NUCKS1: variants seen among roughly 807,000 people sequenced by gnomAD.
NUCKS1 encodes nuclear ubiquitous casein and cyclin-dependent kinase substrate 1.
NUCKS1 carries 2 observed loss-of-function variants against 33.0 expected under a neutral mutation model. The ratio of observed to expected loss-of-function variants is 0.06; its 90% CI spans 0.02 to 0.19. The LOEUF is 0.19. Among genes scored for constraint, NUCKS1 ranks in the 10% least tolerant of loss-of-function variants. The probability of loss-of-function intolerance (pLI) is 1.00; values close to 1 mark genes in which losing one functional copy is unlikely to be tolerated. For missense variants in NUCKS1, 201 were observed against 293.6 expected (o/e 0.68, Z 2.31); for synonymous variants, 106 against 102.8 (o/e 1.03, Z -0.19).
intron 6 of NUCKS1, among the ~76,000 whole-genome samples, chr1:205,719,168 A>C (rs546496165): frequency 6.6e-6 from 1 of 152,216 alleles, no homozygotes; most frequent in Non-Finnish European, 1.5e-5. Context: ...GCATTTTCAC[A>C]ATTAAGTCTT....
intron 1 of NUCKS1, among the ~76,000 whole-genome samples, chr1:205,749,236 C>G (rs1654410958): frequency 6.6e-6 from 1 of 152,202 alleles, no homozygotes; most frequent in East Asian, 1.9e-4. Flanking sequence ...AGAGAAAGAG[C>G]GAACTTTGGG....
Position 205,737,134 on chromosome 1 carries a change from C to T in NUCKS1, c.18-7513G>A, listed in dbSNP as rs568379480. On this transcript the variant is annotated intron_variant, in intron 1 of 6. Coordinates refer to ENST00000367142, the MANE Select transcript of NUCKS1 (RefSeq NM_022731.5). The stretch of plus-strand genomic sequence containing the variant: ...TACTAAAGCAGCACCCAGGATGAAA[C>T]ATAATATGATTATAAAAAGATGGGG... 8.5e-5 allele frequency among the ~76,000 whole-genome samples: 13 copies of T among 152,214 alleles called. No individual in the cohort carries two copies. In the South Asian group the frequency reaches 2.5e-3, roughly 29 times the overall value.
intron 1 of NUCKS1, among the ~76,000 whole-genome samples, chr1:205,732,587 C>T (rs1416713686): frequency 6.6e-6 from 1 of 151,960 alleles, no homozygotes; most frequent in African/African-American, 2.4e-5. Context: ...TCGAGACCAT[C>T]CTGGCCAACA....
At chr1:205,745,268 ATTTT>A (rs1425690950) in intron 1 of NUCKS1, among the ~76,000 whole-genome samples, 2 of 152,156 alleles carry the variant, frequency 1.3e-5, no homozygotes, top group Non-Finnish European at 1.5e-5. Flanking sequence ...TTTCTAGCTT[ATTTT>A]TTTAATTTAG....
intron 1 of NUCKS1, among the ~76,000 whole-genome samples, chr1:205,741,163 G>C (rs1571586636): frequency 6.7e-6 from 1 of 148,938 alleles, no homozygotes; most frequent in East Asian, 1.9e-4. Context: ...AGCCGGGCGT[G>C]GTGGCGGGCG....
intron 3 of NUCKS1, among the ~76,000 whole-genome samples, chr1:205,726,253 A>T (rs1411734524): frequency 6.6e-6 from 1 of 152,190 alleles, no homozygotes; most frequent in African/African-American, 2.4e-5. Context: ...ATGGTGGCTC[A>T]CACTGTAATC....
chr1:205,719,107 G>C (rs917815028), intron 6 of NUCKS1, among the ~76,000 whole-genome samples: 49 of 152,352 alleles, frequency 3.2e-4, no homozygotes, highest in African/African-American at 1.2e-3. Context: ...TAGCACAGAG[G>C]ATGGGGTAGA....
chr1:205,729,355 A>G (rs923965400), intron 2 of NUCKS1, among the ~76,000 whole-genome samples: 5 of 152,362 alleles, frequency 3.3e-5, no homozygotes, highest in Non-Finnish European at 7.3e-5. Flanking sequence ...GTAAGAAAAA[A>G]GCTTTTTAAT....
At chr1:205,749,820 G>A (rs1654442792) in intron 1 of NUCKS1, 137 bp downstream of exon 1, 2 of 918,010 alleles carry the variant, frequency 2.2e-6, no homozygotes, top group African/African-American at 1.7e-5. Flanking sequence ...ACGCTCAAGG[G>A]TGCGCGCGGG....
chr1:205,730,161 C>T (rs1317355426), intron 1 of NUCKS1, among the ~76,000 whole-genome samples: 2 of 152,086 alleles, frequency 1.3e-5, no homozygotes, highest in Non-Finnish European at 2.9e-5. Flanking sequence ...CCAAGTAATC[C>T]GCCTGCCTCA....
At position 205,714,952 on chromosome 1, in the gene NUCKS1, G is replaced by A. The variant is rs1476290546; in HGVS notation, c.*3328C>T. 4.6e-5 allele frequency: 7 copies of A among 152,050 alleles called. No homozygotes were observed. The highest frequency in any genetic ancestry group is 8.8e-5 in the Non-Finnish European group (6 of 67,996). 9.4% of individuals were successfully genotyped at this position (152,050 alleles called of 1,614,324 possible). ...CATGATCTTTTATAAAGCTTTCCCCGTTGCTCCTGATATTTATTTCTGCTT... is the reference window on the plus strand; with the variant it reads ...CATGATCTTTTATAAAGCTTTCCCCATTGCTCCTGATATTTATTTCTGCTT... On this transcript the variant is annotated 3_prime_UTR_variant, in exon 7 of 7. Transcript: ENST00000367142.
In NUCKS1 at chr1:205,714,508, A is replaced by G. The variant is rs1045928283; in HGVS notation, c.*3772T>C. 6.6e-6 allele frequency: 1 copy of G among 152,136 alleles called. No individual in the cohort carries two copies. The highest frequency in any genetic ancestry group is 2.4e-5 in the African/African-American group (1 of 41,418). 9.4% of individuals were successfully genotyped at this position (152,136 alleles called of 1,614,324 possible). On this transcript the variant is annotated 3_prime_UTR_variant, in exon 7 of 7. Coordinates refer to ENST00000367142, the MANE Select transcript of NUCKS1 (RefSeq NM_022731.5). Reference sequence around the variant, plus strand: ...GAATTTTGTGAATTTGAAAAAAAAAAGTGTAATTTATGGATTCAGGATTCA... The same window carrying G: ...GAATTTTGTGAATTTGAAAAAAAAAGGTGTAATTTATGGATTCAGGATTCA...
chr1:205,724,325 A>T (rs1671967430), intron 3 of NUCKS1, among the ~76,000 whole-genome samples: 1 of 152,218 alleles, frequency 6.6e-6, no homozygotes, highest in African/African-American at 2.4e-5. Flanking sequence ...AAATACTAAA[A>T]ATACATAGTG....
chr1:205,748,659 G>C (rs933975448), intron 1 of NUCKS1, among the ~76,000 whole-genome samples: 14 of 152,188 alleles, frequency 9.2e-5, no homozygotes, highest in African/African-American at 3.4e-4. Flanking sequence ...ACCACCACCA[G>C]TTGGAGGATG....
rs1336533931 is a variant in NUCKS1, at chr1:205,719,689, A to G, written c.383-13T>C. On this transcript the variant is annotated splice_polypyrimidine_tract_variant and intron_variant, in intron 5 of 6. Coordinates refer to ENST00000367142, the MANE Select transcript of NUCKS1 (RefSeq NM_022731.5). ...CTGCCGGAATCTTCTGAGAAGAAAG[A>G]AGAATTTCAACATCTAACTTAATGT... The G allele has an allele frequency of 6.2e-7, 1 of 1,603,550 alleles. No individual in the cohort carries two copies. Among genetic ancestry groups the G allele is most frequent in the Non-Finnish European group, 8.5e-7 (1 of 1,177,242 alleles).
At chr1:205,741,278 C>CGA (rs1654164846) in intron 1 of NUCKS1, among the ~76,000 whole-genome samples, 1 of 112,052 alleles carries the variant, frequency 8.9e-6, no homozygotes, top group Admixed American at 1.4e-4. Flanking sequence ...CCAGCCTGGG[C>CGA]GACAGAGCGA....
At chr1:205,741,988 T>C (rs1198696742) in intron 1 of NUCKS1, among the ~76,000 whole-genome samples, 1 of 152,206 alleles carries the variant, frequency 6.6e-6, no homozygotes, top group Non-Finnish European at 1.5e-5. Flanking sequence ...TAGAACCAAG[T>C]TTCTCTGTAA....
chr1:205,734,842 C>T (rs1384035824), intron 1 of NUCKS1, among the ~76,000 whole-genome samples: 1 of 152,022 alleles, frequency 6.6e-6, no homozygotes, highest in Admixed American at 6.6e-5. Context: ...TTACAGTGGG[C>T]CAAGATTGTG....
At chr1:205,731,895 C>CAAA (rs34020544) in intron 1 of NUCKS1, among the ~76,000 whole-genome samples, 1 of 111,858 alleles carries the variant, frequency 8.9e-6, no homozygotes, top group Non-Finnish European at 1.9e-5. Flanking sequence ...GACTCCGTCT[C>CAAA]AAAAAAAAAA....
Sources: allele counts gnomAD v4.1 joint callset (sites outside exome capture counted in the v4.1 genomes callset), GRCh38; gene constraint gnomAD v4.1.1; transcripts MANE v1.5; gene names NCBI Gene and HGNC (gene_info 2026-07-23, HGNC 2026-07-21).